Variants in TENM4 observed in about 807,000 individuals in gnomAD.
TENM4 encodes the protein teneurin-4.
Under a neutral mutation model 243.3 loss-of-function variants are expected in TENM4, and 82 were observed. The observed-to-expected ratio is 0.34, with a 90% CI of 0.28 to 0.40. The LOEUF is 0.40. Among genes scored for constraint, TENM4 ranks in the 10% least tolerant of loss-of-function variants. TENM4 has a pLI of 1.00. For missense variants in TENM4, 3,138 were observed against 3,673.3 expected (o/e 0.85, Z 3.77); for synonymous variants, 1,412 against 1,456.3 (o/e 0.97, Z 0.69).
At chr11:79,349,029 G>A (rs4945344) in intron 1 of TENM4, among the ~76,000 whole-genome samples, 34,892 of 152,074 alleles carry the variant, frequency 0.23, 4,246 homozygotes, top group Middle Eastern at 0.32. Flanking sequence ...ACTGTATGGA[G>A]GAAAGGAGGC....
chr11:79,022,010 T>C (rs920600430), intron 6 of TENM4, among the ~76,000 whole-genome samples: 2 of 152,114 alleles, frequency 1.3e-5, no homozygotes, highest in East Asian at 3.9e-4. Context: ...AATCGTGCTG[T>C]CTCTAGAGAA....
At chr11:78,948,045 T>C (rs1857038665) in intron 6 of TENM4, among the ~76,000 whole-genome samples, 1 of 152,204 alleles carries the variant, frequency 6.6e-6, no homozygotes, top group African/African-American at 2.4e-5. Context: ...GTCCAGTCTC[T>C]AGCCAATCTA....
intron 6 of TENM4, among the ~76,000 whole-genome samples, chr11:78,986,704 G>A (rs1331205727): frequency 2.6e-5 from 4 of 152,172 alleles, no homozygotes; most frequent in Non-Finnish European, 5.9e-5. Context: ...CTCCTGAGTA[G>A]CTGGGAATAC....
intron 2 of TENM4, among the ~76,000 whole-genome samples, chr11:79,226,729 C>T (rs1216175252): frequency 6.6e-6 from 1 of 152,158 alleles, no homozygotes; most frequent in African/African-American, 2.4e-5. Context: ...CTTTACCGCC[C>T]CCTCCCCAAA....
intron 1 of TENM4, among the ~76,000 whole-genome samples, chr11:79,370,801 AAAAAAAAAG>A (rs1406114490): frequency 1.2e-4 from 18 of 148,376 alleles, no homozygotes; most frequent in African/African-American, 4.3e-4. Context: ...AAAAAAAAAA[AAAAAAAAAG>A]TGATAAATTT....
intron 1 of TENM4, among the ~76,000 whole-genome samples, chr11:79,305,629 C>T (rs1224428671): frequency 6.6e-6 from 1 of 152,174 alleles, no homozygotes; most frequent in Non-Finnish European, 1.5e-5. Flanking sequence ...AACCTCTGAC[C>T]GAGCACAGGG....
At chr11:78,941,649 A>G (rs930031498) in intron 6 of TENM4, among the ~76,000 whole-genome samples, 3 of 152,020 alleles carry the variant, frequency 2.0e-5, no homozygotes, top group African/African-American at 4.8e-5. Flanking sequence ...GGCAGGGCAG[A>G]TGTGGGAACA....
intron 9 of TENM4, among the ~76,000 whole-genome samples, chr11:78,868,583 C>G (rs926059259): frequency 3.9e-5 from 6 of 152,178 alleles, no homozygotes; most frequent in African/African-American, 1.4e-4. Context: ...AGTGCAAGCT[C>G]TATCTTGACA....
At chr11:79,385,292 A>T (rs1209936709) in intron 1 of TENM4, among the ~76,000 whole-genome samples, 1 of 152,216 alleles carries the variant, frequency 6.6e-6, no homozygotes, top group African/African-American at 2.4e-5. Flanking sequence ...CATGGTGTGC[A>T]GCCAAGATTG....
At chr11:79,039,286 A>G (rs1040799242) in intron 6 of TENM4, among the ~76,000 whole-genome samples, 1 of 152,192 alleles carries the variant, frequency 6.6e-6, no homozygotes, top group African/African-American at 2.4e-5. Flanking sequence ...TTACAGCCTC[A>G]AAGGGTTTTT....
chr11:78,957,035 T>G (rs928774577), intron 6 of TENM4, among the ~76,000 whole-genome samples: 1 of 152,132 alleles, frequency 6.6e-6, no homozygotes, highest in Non-Finnish European at 1.5e-5. Flanking sequence ...TCATCCCTCA[T>G]CTCTCTGGAA....
chr11:79,299,046 G>A (rs376712348), intron 1 of TENM4, among the ~76,000 whole-genome samples: 2 of 148,742 alleles, frequency 1.3e-5, no homozygotes, highest in African/African-American at 5.0e-5. Context: ...GAAGTCATAG[G>A]TGTGAGGTGC....
At chr11:79,179,456 A>T (rs772383594) in intron 3 of TENM4, among the ~76,000 whole-genome samples, 3 of 152,228 alleles carry the variant, frequency 2.0e-5, no homozygotes, top group Non-Finnish European at 4.4e-5. Flanking sequence ...AGCTCTTTAC[A>T]GAAAAAGTTT....
At chr11:78,859,604 T>C (rs1205089611) in intron 10 of TENM4, among the ~76,000 whole-genome samples, 1 of 152,268 alleles carries the variant, frequency 6.6e-6, no homozygotes, top group African/African-American at 2.4e-5. Flanking sequence ...AACTGAGATC[T>C]ACCTATATAG....
At chr11:78,819,592 T>C (rs1049813801) in intron 12 of TENM4, among the ~76,000 whole-genome samples, 6 of 152,138 alleles carry the variant, frequency 3.9e-5, no homozygotes, top group Non-Finnish European at 8.8e-5. Flanking sequence ...CAAACCTCTG[T>C]GGACGTGCGA....
At chr11:79,234,921 C>G (rs143218717) in intron 2 of TENM4, among the ~76,000 whole-genome samples, 4 of 152,160 alleles carry the variant, frequency 2.6e-5, no homozygotes, top group Non-Finnish European at 5.9e-5. Flanking sequence ...TCTACTGAAG[C>G]ATTGAACTTT....
intron 12 of TENM4, among the ~76,000 whole-genome samples, chr11:78,844,062 C>T (rs919508978): frequency 3.3e-5 from 5 of 152,166 alleles, no homozygotes; most frequent in African/African-American, 4.8e-5. Flanking sequence ...TTCGAAGACT[C>T]GGCTTTATGT....
chr11:79,079,554 G>A (rs1860613171), intron 4 of TENM4, among the ~76,000 whole-genome samples: 1 of 152,192 alleles, frequency 6.6e-6, no homozygotes, highest in Admixed American at 6.5e-5. Context: ...GTTAGGCTGG[G>A]CACGGTGGCT....
chr11:78,820,480 TGAA>T (rs1260718061), intron 12 of TENM4, among the ~76,000 whole-genome samples: 2 of 152,118 alleles, frequency 1.3e-5, no homozygotes, highest in African/African-American at 4.8e-5. Flanking sequence ...TGAAATGGGG[TGAA>T]CAGTAACACA....
Sources: allele counts gnomAD v4.1 joint callset (sites outside exome capture counted in the v4.1 genomes callset), GRCh38; gene constraint gnomAD v4.1.1; transcripts MANE v1.5; gene names NCBI Gene and HGNC (gene_info 2026-07-23, HGNC 2026-07-21).